Variants in ODAD2 observed in about 807,000 individuals in gnomAD.
The protein encoded by ODAD2 is outer dynein arm-docking complex subunit 2.
A neutral mutation model predicts 106.8 loss-of-function variants in ODAD2; 89 were observed. That is an observed-to-expected ratio of 0.83 (90% CI 0.70 to 0.99). The LOEUF (loss-of-function observed/expected upper bound fraction) is 0.99. Ranked by LOEUF, ODAD2 falls within the 50% of genes least tolerant of loss-of-function variation. ODAD2 has a pLI of 0.00. For synonymous variants in ODAD2, 404 were observed against 436.2 expected, an observed-to-expected ratio of 0.93 and a Z score of 0.92; for missense variants, 1,168 against 1,238.5, an observed-to-expected ratio of 0.94 and a Z score of 0.85.
chr10:27,885,906 A>T (rs1435438699), intron 17 of ODAD2, among the ~76,000 whole-genome samples: 13 of 123,546 alleles, frequency 1.1e-4, no homozygotes, highest in African/African-American at 3.4e-4. Flanking sequence ...TATATATAAA[A>T]ATATATATAT....
At chr10:27,882,576 C>T (rs1252724875) in intron 17 of ODAD2, among the ~76,000 whole-genome samples, 1 of 152,124 alleles carries the variant, frequency 6.6e-6, no homozygotes, top group Non-Finnish European at 1.5e-5. Flanking sequence ...AAAAGGCTTG[C>T]AACAAACAGC....
Position 27,997,300 on chromosome 10 carries a change from A to G in ODAD2, c.-39+1694T>C, listed in dbSNP as rs1850612569. Reference sequence around the variant, plus strand: ...TTGTTGTGTAAAATAAGTGCAAATCAGTGTAAAATAGTGTGAAATAAGTGC... The same window carrying G: ...TTGTTGTGTAAAATAAGTGCAAATCGGTGTAAAATAGTGTGAAATAAGTGC... On this transcript the variant is annotated intron_variant, in intron 1 of 19. Coordinates refer to ENST00000305242, the MANE Select transcript of ODAD2 (RefSeq NM_018076.5). Among the ~76,000 whole-genome samples, 3 of 152,220 alleles carry G rather than the reference A, an allele frequency of 2.0e-5. No individual in the cohort carries two copies. In the South Asian group the frequency reaches 6.2e-4, roughly 32 times the overall value.
chr10:27,812,514 A>C lies in ODAD2; in HGVS notation c.3133T>G (p.Ter1045GlyextTer13). Residue 1045 changes from the stop codon to glycine, a stop_lost, in exon 20 of 20, where the codon TGA (stop) becomes GGA (glycine). Transcript: ENST00000305242. ...ALATEKARYT[*>G] ...AGCTTGTAATGTCCATTTAAATTTC[A>C]AGTGTATCTTGCCTTCTCTGTAGCA... 1.2e-6 allele frequency: 2 copies of C among 1,612,994 alleles called. No individual in the cohort carries two copies. The highest frequency in any genetic ancestry group is 1.7e-6 in the Non-Finnish European group (2 of 1,179,710).
chr10:27,951,162 T>C (rs1225883112), intron 10 of ODAD2, among the ~76,000 whole-genome samples: 1 of 152,204 alleles, frequency 6.6e-6, no homozygotes, highest in Non-Finnish European at 1.5e-5. Flanking sequence ...ACTATTGGAA[T>C]TCAACATTAT....
chr10:27,916,592 C>T (rs1384873888), intron 16 of ODAD2, among the ~76,000 whole-genome samples: 1 of 152,112 alleles, frequency 6.6e-6, no homozygotes, highest in Non-Finnish European at 1.5e-5. Flanking sequence ...CCTCCTCAGC[C>T]TGTTCAACGT....
At chr10:27,914,285 G>T (rs2133909301) in intron 16 of ODAD2, among the ~76,000 whole-genome samples, 1 of 151,990 alleles carries the variant, frequency 6.6e-6, no homozygotes, top group South Asian at 2.1e-4. Context: ...AATTACGCTG[G>T]TGACCACCAG....
At chr10:27,874,912 G>C (rs1399545676) in intron 17 of ODAD2, among the ~76,000 whole-genome samples, 4 of 152,164 alleles carry the variant, frequency 2.6e-5, no homozygotes, top group Admixed American at 2.0e-4. Flanking sequence ...GCCTTGCTAG[G>C]TTGGGGAAGT....
chr10:27,890,873 A>C (rs1842515298), intron 17 of ODAD2, among the ~76,000 whole-genome samples: 1 of 152,170 alleles, frequency 6.6e-6, no homozygotes, highest in South Asian at 2.1e-4. Flanking sequence ...TTGGTGACTG[A>C]AAATGACAAC....
At chr10:27,950,343 C>A (rs893597338) in intron 10 of ODAD2, among the ~76,000 whole-genome samples, 3 of 152,122 alleles carry the variant, frequency 2.0e-5, no homozygotes, top group African/African-American at 7.2e-5. Flanking sequence ...TGAGTCAAAG[C>A]AGAAAAATAC....
intron 17 of ODAD2, among the ~76,000 whole-genome samples, chr10:27,873,288 G>T (rs1841059293): frequency 7.8e-6 from 1 of 127,756 alleles, no homozygotes; most frequent in Non-Finnish European, 1.6e-5. Context: ...CAATTTTGTT[G>T]ATCTTTTCAA....
At chr10:27,992,780 T>C (rs551711971) in intron 2 of ODAD2, among the ~76,000 whole-genome samples, 1 of 152,202 alleles carries the variant, frequency 6.6e-6, no homozygotes, top group South Asian at 2.1e-4. Context: ...TAGTGATAGA[T>C]TTGAGAGGTG....
chr10:27,916,899 C>A (rs1590011862), intron 16 of ODAD2, among the ~76,000 whole-genome samples: 1 of 151,948 alleles, frequency 6.6e-6, no homozygotes, highest in Non-Finnish European at 1.5e-5. Flanking sequence ...AGGGACAGCT[C>A]TAGGAAGAAA....
At chr10:27,974,390 G>C (rs1849052919) in intron 7 of ODAD2, among the ~76,000 whole-genome samples, 1 of 152,152 alleles carries the variant, frequency 6.6e-6, no homozygotes, top group South Asian at 2.1e-4. Context: ...TATCCCGCTT[G>C]AGTTGATTTT....
intron 19 of ODAD2, among the ~76,000 whole-genome samples, chr10:27,852,382 T>G (rs1434431279): frequency 6.6e-6 from 1 of 152,180 alleles, no homozygotes; most frequent in Non-Finnish European, 1.5e-5. Flanking sequence ...AAAAATAGCA[T>G]AAAAGTGGGG....
intron 19 of ODAD2, among the ~76,000 whole-genome samples, chr10:27,812,853 C>T (rs543579260): frequency 6.6e-6 from 1 of 152,278 alleles, no homozygotes; most frequent in Non-Finnish European, 1.5e-5. Context: ...TCCTTCCTCC[C>T]CACTTTCTCT....
chr10:27,933,830 T>G (rs1159803965), intron 16 of ODAD2, among the ~76,000 whole-genome samples: 1 of 152,208 alleles, frequency 6.6e-6, no homozygotes, highest in Non-Finnish European at 1.5e-5. Flanking sequence ...TATTCCTTAG[T>G]GTCTGAAACA....
intron 17 of ODAD2, among the ~76,000 whole-genome samples, chr10:27,905,544 A>G (rs527767155): frequency 6.6e-6 from 1 of 152,364 alleles, no homozygotes; most frequent in South Asian, 2.1e-4. Context: ...ACCAAAAAAG[A>G]GCCTGTATAG....
chr10:27,838,897 A>C (rs905554939), intron 19 of ODAD2, among the ~76,000 whole-genome samples: 3 of 152,222 alleles, frequency 2.0e-5, no homozygotes, highest in Non-Finnish European at 2.9e-5. Context: ...TGTTGAACAG[A>C]TCCAAGGACC....
At chr10:27,862,672 G>A in intron 17 of ODAD2, 50 bp from the exon 18 acceptor site, 1 of 1,434,996 alleles carries the variant, frequency 7.0e-7, no homozygotes, top group South Asian at 1.4e-5. Context: ...CCTACATTTA[G>A]GCATTTTTTA....
Sources: gnomAD v4.1 joint callset for allele counts (sites outside exome capture counted in the v4.1 genomes callset) on GRCh38, gnomAD v4.1.1 for gene constraint, MANE v1.5 for transcripts, NCBI Gene and HGNC (gene_info 2026-07-23, HGNC 2026-07-21) for gene names.